PRDM4: variants seen among roughly 807,000 people sequenced by gnomAD.
PRDM4 encodes PR domain zinc finger protein 4.
In PRDM4, 38 loss-of-function variants were observed where a neutral mutation model predicts 62.3. That is an observed-to-expected ratio of 0.61 (90% confidence interval 0.47 to 0.80). The LOEUF is 0.80. Ranked by LOEUF, PRDM4 falls within the 30% of genes least tolerant of loss-of-function variation. The probability of loss-of-function intolerance (pLI) is 0.00; values close to 1 mark genes in which losing one functional copy is unlikely to be tolerated. For synonymous variants in PRDM4, 339 were observed against 348.2 expected, an observed-to-expected ratio of 0.97 and a Z score of 0.30; for missense variants, 858 against 997.1, an observed-to-expected ratio of 0.86 and a Z score of 1.88.
At chr12:107,744,799 C>T in intron 6 of PRDM4, 138 bp from the exon 7 acceptor site, 1 of 1,217,940 alleles carries the variant, frequency 8.2e-7, no homozygotes, top group Non-Finnish European at 1.1e-6. Context: ...GTGGCTCACG[C>T]CTGTTATCCC....
intron 5 of PRDM4, 141 bp downstream of exon 5, chr12:107,751,274 G>A: frequency 1.2e-6 from 1 of 824,272 alleles, no homozygotes; most frequent in African/African-American, 1.7e-5. Flanking sequence ...TTAATATAAA[G>A]GACAATACCA....
intron 11 of PRDM4, among the ~76,000 whole-genome samples, chr12:107,735,225 C>G (rs1451181139): frequency 6.6e-6 from 1 of 152,016 alleles, no homozygotes; most frequent in Admixed American, 6.6e-5. Context: ...GGGCACATAC[C>G]CAAGAACTAT....
chr12:107,742,492 C>G, intron 8 of PRDM4, 144 bp from the exon 9 acceptor site: 1 of 944,046 alleles, frequency 1.1e-6, no homozygotes, highest in Non-Finnish European at 1.6e-6. Flanking sequence ...ATTTCCCGTC[C>G]TATCTATGAG....
intron 4 of PRDM4, among the ~76,000 whole-genome samples, chr12:107,753,572 AT>A (rs1307828590): frequency 6.6e-6 from 1 of 152,176 alleles, no homozygotes; most frequent in African/African-American, 2.4e-5. Flanking sequence ...CTATAACAGA[AT>A]AAAAATTCAA....
chr12:107,740,355 C>T lies in PRDM4; in HGVS notation c.1924+591G>A, dbSNP rs369334391. ...TACAAAAATTAGTCAGGTGTGGTGG[C>T]GCATGTCTGCAGTCCATGCTACTCA... On this transcript the variant is annotated intron_variant, in intron 10 of 11. Coordinates refer to ENST00000228437, the MANE Select transcript of PRDM4 (RefSeq NM_012406.4). Among the ~76,000 whole-genome samples the T allele has an allele frequency of 2.6e-4, 39 of 152,064 alleles. 1 individual carries two copies. The highest frequency in any genetic ancestry group is 8.7e-4 in the African/African-American group (36 of 41,478).
rs774084324 is a variant in PRDM4 at position 107,760,650 on chromosome 12, TCGCCCGGGGC to T, written c.-145_-136del. The T allele has an allele frequency of 2.1e-5, 24 of 1,123,128 alleles. No homozygotes were observed. The highest frequency in any genetic ancestry group is 6.4e-5 in the African/African-American group (4 of 62,144). The allele number at this position is 1,123,128 out of a possible 1,614,324, so 69.6% of individuals were successfully genotyped here. A position where few individuals can be genotyped will look rare whatever the true frequency, so the allele number is the denominator to read the frequency against. On this transcript the variant is annotated 5_prime_UTR_variant, in exon 2 of 12. An upstream open reading frame in the 5' UTR loses its in-frame stop. Coordinates refer to ENST00000228437, the MANE Select transcript of PRDM4 (RefSeq NM_012406.4). ...CCGACGCGGCCACTCGTCCCCGGGG[TCGCCCGGGGC>T]CGCCCAACTTCTCCCGAGGGCCGGT...
At chr12:107,738,581 A>T (rs760892995) in intron 11 of PRDM4, 10 of 152,180 alleles carry the variant, frequency 6.6e-5, no homozygotes, top group Non-Finnish European at 1.0e-4. Flanking sequence ...AACAAAATCC[A>T]TCTCTTCTTT....
At chr12:107,735,968 A>G (rs1555260677) in intron 11 of PRDM4, among the ~76,000 whole-genome samples, 1 of 152,054 alleles carries the variant, frequency 6.6e-6, no homozygotes, top group Non-Finnish European at 1.5e-5. Flanking sequence ...CAGTTTTAAA[A>G]CCACCAATCT....
chr12:107,751,929 A>T lies in PRDM4; in HGVS notation c.612T>A (p.Ile204=). ...GCTCCTCTGCCATTCCATCTGTCGA[A>T]ATTGGGCTGGTAACCCTAGAAACGT... ...MENVSRVTSP[I]STDGMAEELT... The change falls in exon 5 of 12, where the codon ATT becomes ATA. Residue 204 remains isoleucine (I), a synonymous_variant. Transcript: ENST00000228437. 2 of 1,614,178 alleles carry T rather than the reference A, an allele frequency of 1.2e-6. No homozygotes were observed. Among genetic ancestry groups the T allele is most frequent in the South Asian group, 1.1e-5 (1 of 91,082 alleles).
intron 2 of PRDM4, among the ~76,000 whole-genome samples, chr12:107,757,196 G>C (rs772755243): frequency 2.6e-5 from 4 of 152,138 alleles, no homozygotes; most frequent in African/African-American, 7.2e-5. Flanking sequence ...AGCAGAAATA[G>C]GATTTGAATT....
At chr12:107,739,293 G>C (rs758408358) in intron 11 of PRDM4, 90 bp downstream of exon 11, 1 of 1,429,016 alleles carries the variant, frequency 7.0e-7, no homozygotes, top group South Asian at 1.3e-5. Flanking sequence ...GATGAGCCAG[G>C]ACTCCCCAGC....
intron 3 of PRDM4, among the ~76,000 whole-genome samples, chr12:107,755,082 G>A (rs766246177): frequency 1.3e-5 from 2 of 152,072 alleles, no homozygotes; most frequent in African/African-American, 2.4e-5. Flanking sequence ...ATTTTTGCCA[G>A]GGGCAATATT....
intron 8 of PRDM4, 148 bp from the exon 9 acceptor site, chr12:107,742,496 C>A (rs1593165472): frequency 2.3e-6 from 2 of 882,398 alleles, no homozygotes; most frequent in Non-Finnish European, 3.5e-6. Context: ...CCCGTCCTAT[C>A]TATGAGAAGG....
In PRDM4 at chr12:107,751,927, G is replaced by A. The variant is rs371489226; in HGVS notation, c.614C>T (p.Ser205Leu). The change falls in exon 5 of 12, where the codon TCG (serine) becomes TTG (leucine). Residue 205 changes from serine to leucine, a missense_variant. By Grantham distance (145) the Ser-to-Leu change is moderately radical. This residue lies in a region of PRDM4 where 499 missense variants were observed against 546.7 expected (regional missense o/e 0.91). Coordinates refer to ENST00000228437, the MANE Select transcript of PRDM4 (RefSeq NM_012406.4). ...AAGCTCCTCTGCCATTCCATCTGTC[G>A]AAATTGGGCTGGTAACCCTAGAAAC... is the stretch of plus-strand genomic sequence containing the variant. ...ENVSRVTSPI[S>L]TDGMAEELTM... 33 of 1,614,082 alleles carry A rather than the reference G, an allele frequency of 2.0e-5. No homozygotes were observed. The highest frequency in any genetic ancestry group is 4.0e-5 in the African/African-American group (3 of 74,922).
intron 11 of PRDM4, chr12:107,739,016 C>A: frequency 5.6e-6 from 1 of 178,174 alleles, no homozygotes; most frequent in Non-Finnish European, 1.2e-5. Flanking sequence ...CAAAGGTTCT[C>A]CATAGTGTGG....
intron 7 of PRDM4, among the ~76,000 whole-genome samples, chr12:107,743,508 AGACT>A (rs941451140): frequency 6.6e-6 from 1 of 152,222 alleles, no homozygotes; most frequent in African/African-American, 2.4e-5. Context: ...CTCAGTGAAG[AGACT>A]GACTTTGTTT....
Position 107,757,034 on chromosome 12 carries a change from GA to G in PRDM4, c.12-70del, listed in dbSNP as rs1891086520. ...AATGACTCTGTATTAAGATACTGAA[GA>G]AACTGAAACAGTGGGGATGGGGAAA... is the stretch of plus-strand genomic sequence containing the variant. On this transcript the variant is annotated intron_variant, in intron 2 of 11. Transcript: ENST00000228437. 2.0e-6 allele frequency: 3 copies of G among 1,514,388 alleles called. No homozygotes were observed. The Admixed American group carries it at 5.2e-5, about 26-fold the overall frequency. The allele number at this position is 1,514,388 out of a possible 1,614,324, so 93.8% of individuals were successfully genotyped here. A position where few individuals can be genotyped will look rare whatever the true frequency, so the allele number is the denominator to read the frequency against.
intron 5 of PRDM4, among the ~76,000 whole-genome samples, chr12:107,748,191 AAAAT>A (rs1286394333): frequency 6.6e-6 from 1 of 152,118 alleles, no homozygotes; most frequent in African/African-American, 2.4e-5. Flanking sequence ...AAAAAATAAA[AAAAT>A]AAATAAATAA....
At position 107,746,190 on chromosome 12, in the gene PRDM4, C is replaced by T. The variant is rs948991989; in HGVS notation, c.1276+85G>A. 6.7e-6 allele frequency: 10 copies of T among 1,491,840 alleles called. 1 individual carries two copies. In the Middle Eastern group the frequency reaches 5.2e-4, roughly 77 times the overall value. The allele number at this position is 1,491,840 out of a possible 1,614,324, so 92.4% of individuals were successfully genotyped here. On this transcript the variant is annotated intron_variant, in intron 6 of 11. Coordinates refer to ENST00000228437, the MANE Select transcript of PRDM4 (RefSeq NM_012406.4). Reference sequence around the variant, plus strand: ...AATTGACTTTTGGTCCAAATAATTACTAAATTATACACATCCACTTTTACA... The same window carrying T: ...AATTGACTTTTGGTCCAAATAATTATTAAATTATACACATCCACTTTTACA...
Sources: allele counts gnomAD v4.1 joint callset (sites outside exome capture counted in the v4.1 genomes callset), GRCh38; gene constraint gnomAD v4.1.1; regional missense constraint gnomAD v4.1.1; transcripts MANE v1.5; gene names NCBI Gene and HGNC (gene_info 2026-07-23, HGNC 2026-07-21).